RIN2: variants seen among roughly 807,000 people sequenced by gnomAD.
The protein encoded by RIN2 is RAB5 interacting protein 2.
A neutral mutation model predicts 78.0 loss-of-function variants in RIN2; 36 were observed. The ratio of observed to expected loss-of-function variants is 0.46; its 90% CI spans 0.35 to 0.61. The LOEUF is 0.61. Among genes scored for constraint, RIN2 ranks in the 20% least tolerant of loss-of-function variants. The probability of loss-of-function intolerance (pLI) is 0.00; values close to 1 mark genes in which losing one functional copy is unlikely to be tolerated. For missense variants in RIN2, 1,087 were observed against 1,159.7 expected, an observed-to-expected ratio of 0.94 and a Z score of 0.91; for synonymous variants, 466 against 466.8, an observed-to-expected ratio of 1.00 and a Z score of 0.02.
intron 3 of RIN2, 76 bp from the exon 4 acceptor site, chr20:19,935,023 C>T: frequency 9.4e-7 from 1 of 1,059,574 alleles, no homozygotes; most frequent in Non-Finnish European, 1.4e-6. Context: ...TATTGAAAAG[C>T]CTGAGTTCCC....
At chr20:19,810,117 G>C (rs1448944027) in intron 2 of RIN2, among the ~76,000 whole-genome samples, 4 of 152,022 alleles carry the variant, frequency 2.6e-5, no homozygotes, top group Non-Finnish European at 5.9e-5. Flanking sequence ...TGCCAAGAGG[G>C]GCCAGGCGTG....
rs754593673 is a variant in RIN2, at chr20:20,000,649, G to A, written c.2401G>A (p.Gly801Ser). The stretch of plus-strand genomic sequence containing the variant: ...AGTTGCATTTCAGGAGGTCAACAGT[G>A]GTTGCACAGGAAAGACCCTCCTTGT... ...LRVAFQEVNS[G>S]CTGKTLLVRP... The change falls in exon 13 of 13, where the codon GGT becomes AGT. Residue 801 changes from glycine (G) to serine (S), a missense_variant. Physicochemically the swap from Gly to Ser is moderately conservative, Grantham distance 56 (BLOSUM62 0). Around this residue, in one of 8 missense-constraint regions of RIN2, gnomAD observed 160 missense variants for 179.4 expected, o/e 0.89. Transcript: ENST00000255006. 1.2e-6 allele frequency: 2 copies of A among 1,607,536 alleles called. No individual in the cohort carries two copies. The highest frequency in any genetic ancestry group is 8.5e-7 in the Non-Finnish European group (1 of 1,174,694).
chr20:19,839,048 T>C (rs1190361753), intron 2 of RIN2, among the ~76,000 whole-genome samples: 2 of 152,162 alleles, frequency 1.3e-5, no homozygotes, highest in African/African-American at 4.8e-5. Context: ...GGTGAGATTG[T>C]TTCTGCAGTG....
At chr20:19,832,124 C>T (rs1055948690) in intron 2 of RIN2, among the ~76,000 whole-genome samples, 16 of 151,700 alleles carry the variant, frequency 1.1e-4, no homozygotes, top group Admixed American at 6.6e-4. Flanking sequence ...CGTGACTGGC[C>T]GAGGGCACCA....
intron 9 of RIN2, among the ~76,000 whole-genome samples, chr20:19,983,415 G>A (rs184227151): frequency 8.5e-5 from 13 of 152,248 alleles, no homozygotes; most frequent in East Asian, 1.9e-4. Context: ...TAGTCCCAGC[G>A]TCGTAGGGCT....
chr20:19,988,903 A>ACACACACACACACACACGCG (rs2042705252), intron 9 of RIN2, among the ~76,000 whole-genome samples: 2 of 137,462 alleles, frequency 1.5e-5, no homozygotes, highest in Admixed American at 1.4e-4. Flanking sequence ...CTCTCTCTTC[A>ACACACACACACACACACGCG]CACACACACA....
intron 1 of RIN2, among the ~76,000 whole-genome samples, chr20:19,758,687 G>A (rs533327854): frequency 6.6e-6 from 1 of 152,306 alleles, no homozygotes; most frequent in Non-Finnish European, 1.5e-5. Context: ...GGAGGTGCGG[G>A]TGTGCGTGCG....
intron 6 of RIN2, 141 bp downstream of exon 6, chr20:19,960,952 C>T: frequency 6.6e-6 from 4 of 605,546 alleles, no homozygotes. Context: ...AGATAACCTA[C>T]TCCAGGAGCC....
intron 9 of RIN2, among the ~76,000 whole-genome samples, chr20:19,988,908 C>CAG (rs1369793241): frequency 6.6e-6 from 1 of 152,064 alleles, no homozygotes; most frequent in Non-Finnish European, 1.5e-5. Context: ...TCTTCACACA[C>CAG]ACACACACAC....
intron 2 of RIN2, among the ~76,000 whole-genome samples, chr20:19,843,123 C>T (rs746282845): frequency 2.0e-5 from 3 of 152,262 alleles, no homozygotes; most frequent in South Asian, 4.1e-4. Flanking sequence ...GGAGTTGCTT[C>T]GTGCAAATGA....
chr20:19,798,738 C>T (rs1389291050), intron 1 of RIN2, among the ~76,000 whole-genome samples: 2 of 151,990 alleles, frequency 1.3e-5, no homozygotes, highest in Non-Finnish European at 2.9e-5. Flanking sequence ...CCCACTTCTG[C>T]CAAGAATATA....
At chr20:19,988,982 C>T (rs1453615456) in intron 9 of RIN2, among the ~76,000 whole-genome samples, 1 of 151,148 alleles carries the variant, frequency 6.6e-6, no homozygotes, top group Non-Finnish European at 1.5e-5. Flanking sequence ...TGCACACACA[C>T]TGTCTCTCAT....
At chr20:19,810,048 C>G (rs1445428156) in intron 2 of RIN2, among the ~76,000 whole-genome samples, 1 of 151,976 alleles carries the variant, frequency 6.6e-6, no homozygotes. Context: ...TGCAGCCTTT[C>G]CTGAGTGGCC....
intron 1 of RIN2, among the ~76,000 whole-genome samples, chr20:19,792,290 A>G (rs1229228608): frequency 6.6e-6 from 1 of 152,194 alleles, no homozygotes; most frequent in Non-Finnish European, 1.5e-5. Flanking sequence ...AAAAATATAC[A>G]TTTCTAAAAG....
intron 3 of RIN2, among the ~76,000 whole-genome samples, chr20:19,904,899 A>T (rs2039151585): frequency 1.3e-5 from 2 of 152,170 alleles, no homozygotes; most frequent in Admixed American, 6.5e-5. Flanking sequence ...ACAACTTGAA[A>T]TCTTGACATT....
At position 19,964,941 on chromosome 20, in the gene RIN2, C is replaced by A. The variant is rs1256352358; in HGVS notation, c.464-11C>A. The A allele has an allele frequency of 1.2e-6, 2 of 1,612,824 alleles. No individual in the cohort carries two copies. Among genetic ancestry groups the A allele is most frequent in the Admixed American group, 3.3e-5 (2 of 60,014 alleles). On this transcript the variant is annotated splice_polypyrimidine_tract_variant and intron_variant, in intron 6 of 12. Coordinates refer to ENST00000255006, the MANE Select transcript of RIN2 (RefSeq NM_018993.4). ...GGGAGAATCAGCTGGTTTCTGAAAT[C>A]TCTTTTCCAGCCTTTTCCCTGGAAG...
chr20:19,769,162 T>TCCACGCGCCTTGG (rs368526783), intron 1 of RIN2, among the ~76,000 whole-genome samples: 1 of 152,162 alleles, frequency 6.6e-6, no homozygotes, highest in Non-Finnish European at 1.5e-5. Context: ...CCTCAGGTGA[T>TCCACGCGCCTTGG]CCACGCGCCT....
At chr20:19,861,845 A>G (rs371878834) in intron 2 of RIN2, among the ~76,000 whole-genome samples, 57 of 146,786 alleles carry the variant, frequency 3.9e-4, no homozygotes, top group African/African-American at 1.2e-3. Context: ...TCCATATTCA[A>G]TGATCACCCT....
intron 3 of RIN2, among the ~76,000 whole-genome samples, chr20:19,930,482 G>A (rs2040399459): frequency 6.6e-6 from 1 of 152,200 alleles, no homozygotes; most frequent in South Asian, 2.1e-4. Flanking sequence ...CCATTCTGAT[G>A]AGAATCAAGG....
Sources: gnomAD v4.1 joint callset for allele counts (sites outside exome capture counted in the v4.1 genomes callset) on GRCh38, gnomAD v4.1.1 for gene constraint, gnomAD v4.1.1 regional missense constraint, MANE v1.5 for transcripts, NCBI Gene and HGNC (gene_info 2026-07-23, HGNC 2026-07-21) for gene names.